TCP11L1: variants seen among roughly 807,000 people sequenced by gnomAD.
TCP11L1 encodes T-complex protein 11-like protein 1.
TCP11L1 carries 28 observed loss-of-function variants against 48.9 expected under a neutral mutation model. That is an observed-to-expected ratio of 0.57 (90% confidence interval 0.42 to 0.78). The LOEUF is 0.78. TCP11L1 is among the 30% of genes least tolerant of loss of function. The pLI is 0.00. For synonymous variants in TCP11L1, 204 were observed against 231.9 expected, an observed-to-expected ratio of 0.88 and a Z score of 1.09; for missense variants, 505 against 613.4, an observed-to-expected ratio of 0.82 and a Z score of 1.87.
chr11:33,042,066 C>A (rs7124894), intron 1 of TCP11L1, among the ~76,000 whole-genome samples: 1 of 152,006 alleles, frequency 6.6e-6, no homozygotes, highest in East Asian at 1.9e-4. Context: ...CAGAAACACC[C>A]TAGGAAAAGG....
At chr11:33,040,460 G>GT (rs1379125994) in intron 1 of TCP11L1, 1 of 152,220 alleles carries the variant, frequency 6.6e-6, no homozygotes, top group African/African-American at 2.4e-5. Flanking sequence ...TGGGGCCCAG[G>GT]TATGTCTGAA....
At chr11:33,065,720 G>T in intron 7 of TCP11L1, 110 bp from the exon 8 acceptor site, 7 of 1,248,276 alleles carry the variant, frequency 5.6e-6, no homozygotes, top group Non-Finnish European at 7.8e-6. Context: ...ACACACTAGC[G>T]CAAACCCTGA....
chr11:33,059,025 G>C lies in TCP11L1; in HGVS notation c.705G>C (p.Arg235Ser). The C allele has an allele frequency of 6.2e-7, 1 of 1,614,210 alleles. No individual in the cohort carries two copies. The highest frequency in any genetic ancestry group is 8.5e-7 in the Non-Finnish European group (1 of 1,180,028). ...CCAACTTTGCTATCAGTAGCATCAG[G>C]CCTCATCTCATGCAGCAGTCAGTTG... ...DMANFAISSI[R>S]PHLMQQSVEY... Residue 235 changes from arginine (R) to serine (S), a missense_variant, in exon 6 of 10, where the codon AGG becomes AGC. Physicochemically the swap from Arg to Ser is moderately radical, Grantham distance 110 (BLOSUM62 -1). This residue lies in a region of TCP11L1 where 335 missense variants were observed against 413.3 expected (regional missense o/e 0.81). Coordinates refer to ENST00000334274, the MANE Select transcript of TCP11L1 (RefSeq NM_018393.4).
Position 33,043,796 on chromosome 11 carries a change from C to A in TCP11L1, c.23C>A (p.Ser8Tyr). MSENLDKSNVNEAGKSKS... is the reference protein window; with the variant it reads MSENLDKYNVNEAGKSKS... ...AGAATGTCTGAAAACCTTGACAAGTCCAATGTAAATGAAGCAGGAAAATCA... is the reference window on the plus strand; with the variant it reads ...AGAATGTCTGAAAACCTTGACAAGTACAATGTAAATGAAGCAGGAAAATCA... Residue 8 changes from serine (S) to tyrosine (Y), a missense_variant, in exon 2 of 10, where the codon TCC (serine) becomes TAC (tyrosine). Physicochemically the swap from Ser to Tyr is moderately radical, Grantham distance 144. Transcript: ENST00000334274. The A allele has an allele frequency of 6.2e-7, 1 of 1,611,368 alleles. No individual in the cohort carries two copies. Among genetic ancestry groups the A allele is most frequent in the Non-Finnish European group, 8.5e-7 (1 of 1,179,026 alleles).
chr11:33,057,417 A>G (rs1046595563), intron 4 of TCP11L1, among the ~76,000 whole-genome samples, 182 bp downstream of exon 4: 6 of 152,252 alleles, frequency 3.9e-5, no homozygotes, highest in African/African-American at 1.4e-4. Context: ...TTTTAAGCAA[A>G]CCATGATAAC....
Position 33,043,772 on chromosome 11 carries a change from G to A in TCP11L1, c.-2G>A. On this transcript the variant is annotated 5_prime_UTR_variant, in exon 2 of 10. Transcript: ENST00000334274. The stretch of plus-strand genomic sequence containing the variant: ...TAGGAAAGTGAATAAACTTAATTGA[G>A]AATGTCTGAAAACCTTGACAAGTCC... 1 of 1,595,578 alleles carries A rather than the reference G, an allele frequency of 6.3e-7. No homozygotes were observed. The highest frequency in any genetic ancestry group is 8.5e-7 in the Non-Finnish European group (1 of 1,174,248).
chr11:33,061,156 A>G (rs6484640), intron 6 of TCP11L1, among the ~76,000 whole-genome samples: 59,026 of 151,816 alleles, frequency 0.39, 11,600 homozygotes, highest in East Asian at 0.45. Context: ...GAGCCTTGCC[A>G]CATTGCCCAG....
chr11:33,040,542 C>T (rs761046126), intron 1 of TCP11L1: 4 of 152,180 alleles, frequency 2.6e-5, no homozygotes, highest in Non-Finnish European at 5.9e-5. Flanking sequence ...TCAACAGATA[C>T]TTGTGGGTGT....
At chr11:33,055,364 C>T (rs1854281117) in intron 3 of TCP11L1, among the ~76,000 whole-genome samples, 1 of 152,170 alleles carries the variant, frequency 6.6e-6, no homozygotes, top group African/African-American at 2.4e-5. Flanking sequence ...TGCTGCAGCT[C>T]CAAGCATCCC....
chr11:33,060,052 C>G (rs879900424), intron 6 of TCP11L1, among the ~76,000 whole-genome samples: 2 of 152,120 alleles, frequency 1.3e-5, no homozygotes, highest in Non-Finnish European at 2.9e-5. Context: ...GGATTGACCA[C>G]AAGCTCACAC....
At chr11:33,061,413 C>A in intron 6 of TCP11L1, 117 bp from the exon 7 acceptor site, 1 of 1,041,138 alleles carries the variant, frequency 9.6e-7, no homozygotes. Flanking sequence ...TTATTTGATT[C>A]CAAAGTTCAT....
rs111722675 is a variant in TCP11L1, at chr11:33,054,432, A to G, written c.164-161A>G. ...TTTAGGATTCAAGGGTAAAAAATGA[A>G]TATGAAGTAACATTCTGTTGCTGTT... On this transcript the variant is annotated intron_variant, in intron 2 of 9. Coordinates refer to ENST00000334274, the MANE Select transcript of TCP11L1 (RefSeq NM_018393.4). Among the ~76,000 whole-genome samples, 960 of 152,320 alleles carry G rather than the reference A, an allele frequency of 6.3e-3. 5 individuals are homozygous for G. The highest frequency in any genetic ancestry group is 0.022 in the African/African-American group (899 of 41,564).
chr11:33,048,779 T>G (rs1670457112), intron 2 of TCP11L1, among the ~76,000 whole-genome samples: 1 of 152,170 alleles, frequency 6.6e-6, no homozygotes, highest in Non-Finnish European at 1.5e-5. Context: ...TTAAGTCTCT[T>G]CTTTTTGCAT....
intron 2 of TCP11L1, among the ~76,000 whole-genome samples, chr11:33,053,355 C>T (rs4755486): frequency 1.3e-5 from 2 of 151,838 alleles, no homozygotes; most frequent in Non-Finnish European, 2.9e-5. Flanking sequence ...ATGTTGGCCA[C>T]GTGGGTCTCC....
rs1853907533 is a variant in TCP11L1 at position 33,043,801 on chromosome 11, G to A, written c.28G>A (p.Val10Ile). ...GTCTGAAAACCTTGACAAGTCCAAT[G>A]TAAATGAAGCAGGAAAATCAAAATC... is the stretch of plus-strand genomic sequence containing the variant. The part of the protein sequence containing the change: MSENLDKSN[V>I]NEAGKSKSND... Residue 10 changes from valine (V) to isoleucine (I), a missense_variant, in exon 2 of 10, where the codon GTA (valine) becomes ATA (isoleucine). By Grantham distance (29) the Val-to-Ile change is conservative. Around this residue, in one of 3 missense-constraint regions of TCP11L1, gnomAD observed 168 missense variants for 183.5 expected, o/e 0.92. Coordinates refer to ENST00000334274, the MANE Select transcript of TCP11L1 (RefSeq NM_018393.4). 2 of 1,613,164 alleles carry A rather than the reference G, an allele frequency of 1.2e-6. No individual in the cohort carries two copies. Among genetic ancestry groups the A allele is most frequent in the Admixed American group, 1.7e-5 (1 of 59,768 alleles).
intron 3 of TCP11L1, 36 bp from the exon 4 acceptor site, chr11:33,057,079 T>G (rs1854330446): frequency 6.2e-7 from 1 of 1,612,088 alleles, no homozygotes; most frequent in Non-Finnish European, 8.5e-7. Flanking sequence ...AATATTTTGG[T>G]TTTTGCCCCC....
At chr11:33,051,897 T>C (rs1854172083) in intron 2 of TCP11L1, among the ~76,000 whole-genome samples, 1 of 152,238 alleles carries the variant, frequency 6.6e-6, no homozygotes, top group Non-Finnish European at 1.5e-5. Context: ...GTCAGTCCTC[T>C]AGCTTTATTT....
At chr11:33,066,380 G>C (rs901815418) in intron 8 of TCP11L1, among the ~76,000 whole-genome samples, 5 of 152,186 alleles carry the variant, frequency 3.3e-5, no homozygotes, top group Non-Finnish European at 5.9e-5. Flanking sequence ...TTAGATTTAT[G>C]CCCTTAAGTT....
intron 2 of TCP11L1, among the ~76,000 whole-genome samples, chr11:33,051,930 CT>C (rs1158846233): frequency 6.6e-6 from 1 of 152,046 alleles, no homozygotes; most frequent in East Asian, 1.9e-4. Context: ...ATAGTTTTGG[CT>C]TTTCGAGGTC....
Sources: allele counts gnomAD v4.1 joint callset (sites outside exome capture counted in the v4.1 genomes callset), GRCh38; gene constraint gnomAD v4.1.1; regional missense constraint gnomAD v4.1.1; transcripts MANE v1.5; gene names NCBI Gene and HGNC (gene_info 2026-07-23, HGNC 2026-07-21).